The following SDK1 variants were observed in gnomAD, a reference collection of about 807,000 sequenced individuals.
SDK1 encodes sidekick cell adhesion molecule 1.
Under a neutral mutation model 245.5 loss-of-function variants are expected in SDK1, and 157 were observed. The ratio of observed to expected loss-of-function variants is 0.64; its 90% CI spans 0.56 to 0.73. The LOEUF (loss-of-function observed/expected upper bound fraction) is 0.73. Ranked by LOEUF, SDK1 falls within the 30% of genes least tolerant of loss-of-function variation. The probability of loss-of-function intolerance (pLI) is 0.00; values close to 1 mark genes in which losing one functional copy is unlikely to be tolerated. For synonymous variants in SDK1, 1,647 were observed against 1,278.5 expected (o/e 1.29, Z -6.15); for missense variants, 3,583 against 3,002.3 (o/e 1.19, Z -4.52).
intron 28 of SDK1, among the ~76,000 whole-genome samples, chr7:4,143,610 C>A (rs774406943): frequency 2.0e-5 from 3 of 152,198 alleles, no homozygotes; most frequent in Middle Eastern, 3.2e-3. Flanking sequence ...GTGTGTCCTT[C>A]CTTTGAAGGG....
At chr7:3,502,223 ATTT>A (rs561329481) in intron 1 of SDK1, among the ~76,000 whole-genome samples, 1 of 150,994 alleles carries the variant, frequency 6.6e-6, no homozygotes, top group Non-Finnish European at 1.5e-5. Context: ...TGTTTCAAAG[ATTT>A]TTTTTTAATT....
At chr7:3,944,414 G>C (rs1780496038) in intron 5 of SDK1, among the ~76,000 whole-genome samples, 1 of 152,212 alleles carries the variant, frequency 6.6e-6, no homozygotes, top group Non-Finnish European at 1.5e-5. Context: ...TTATTCGTTG[G>C]TATATGGCAT....
intron 35 of SDK1, among the ~76,000 whole-genome samples, chr7:4,187,704 T>G (rs1310823812): frequency 6.6e-6 from 1 of 152,218 alleles, no homozygotes; most frequent in East Asian, 1.9e-4. Context: ...AATTCATGAA[T>G]CAGGCAGCAC....
At chr7:3,716,765 A>G (rs984621936) in intron 4 of SDK1, among the ~76,000 whole-genome samples, 2 of 151,144 alleles carry the variant, frequency 1.3e-5, no homozygotes, top group Non-Finnish European at 2.9e-5. Context: ...TCTCACCAAA[A>G]AAAAAGAAAA....
At chr7:3,374,452 T>A (rs1781304830) in intron 1 of SDK1, among the ~76,000 whole-genome samples, 1 of 152,274 alleles carries the variant, frequency 6.6e-6, no homozygotes, top group South Asian at 2.1e-4. Context: ...TACTGTAGTG[T>A]CATAGCCAGT....
At chr7:4,253,588 G>A (rs1350793630) in intron 44 of SDK1, among the ~76,000 whole-genome samples, 1 of 152,116 alleles carries the variant, frequency 6.6e-6, no homozygotes, top group Non-Finnish European at 1.5e-5. Context: ...CTATCCACTT[G>A]AGAAGAATGT....
intron 1 of SDK1, among the ~76,000 whole-genome samples, chr7:3,452,132 T>G (rs1334173712): frequency 2.0e-5 from 3 of 152,228 alleles, no homozygotes; most frequent in Admixed American, 6.5e-5. Context: ...AAGTAAGTTA[T>G]GAGCATTTTT....
chr7:3,900,715 G>A (rs769154147), intron 5 of SDK1, among the ~76,000 whole-genome samples: 1 of 151,816 alleles, frequency 6.6e-6, no homozygotes, highest in Admixed American at 6.6e-5. Flanking sequence ...GCCGCTTCGA[G>A]TCCCCTCTCT....
At chr7:3,539,582 T>G (rs1778995272) in intron 1 of SDK1, among the ~76,000 whole-genome samples, 1 of 152,154 alleles carries the variant, frequency 6.6e-6, no homozygotes, top group Non-Finnish European at 1.5e-5. Flanking sequence ...GCCTGGCTCA[T>G]TAAGAGCAGG....
At chr7:3,558,546 T>C (rs1287283846) in intron 1 of SDK1, among the ~76,000 whole-genome samples, 1 of 152,168 alleles carries the variant, frequency 6.6e-6, no homozygotes. Context: ...GTGATTGGCC[T>C]GGTACAGGCC....
rs564424332 is a variant in SDK1 at position 3,817,079 on chromosome 7, A to C, written c.714-4371A>C. Among the ~76,000 whole-genome samples, 3 of 152,318 alleles carry C rather than the reference A, an allele frequency of 2.0e-5. No homozygotes were observed. The South Asian group carries it at 6.2e-4, about 32-fold the overall frequency. On this transcript the variant is annotated intron_variant, in intron 4 of 44. Transcript: ENST00000404826. Reference sequence around the variant, plus strand: ...CATCATAATGTATAAATTGATGTGGATATTACCACCCTAGTTTGTGGTAAG... The same window carrying C: ...CATCATAATGTATAAATTGATGTGGCTATTACCACCCTAGTTTGTGGTAAG...
At chr7:3,930,066 A>G (rs1779918599) in intron 5 of SDK1, among the ~76,000 whole-genome samples, 1 of 152,140 alleles carries the variant, frequency 6.6e-6, no homozygotes, top group Admixed American at 6.5e-5. Flanking sequence ...AGAACTTCTC[A>G]CACTGAATGA....
chr7:4,085,257 A>G (rs1781356062), intron 22 of SDK1, among the ~76,000 whole-genome samples: 1 of 152,202 alleles, frequency 6.6e-6, no homozygotes. Context: ...CAAAATTATA[A>G]TCTCAGTGGT....
At chr7:3,315,166 A>G (rs375507308) in intron 1 of SDK1, among the ~76,000 whole-genome samples, 1 of 152,204 alleles carries the variant, frequency 6.6e-6, no homozygotes, top group Admixed American at 6.5e-5. Flanking sequence ...GGATGTTTAG[A>G]AGTAGCTCTA....
intron 1 of SDK1, among the ~76,000 whole-genome samples, chr7:3,582,082 C>G (rs371943285): frequency 6.9e-6 from 1 of 145,460 alleles, no homozygotes; most frequent in Non-Finnish European, 1.5e-5. Context: ...AGGTCTCCCT[C>G]AGGTAGGCCT....
chr7:4,059,421 A>C (rs1779396635), intron 19 of SDK1, among the ~76,000 whole-genome samples: 1 of 152,246 alleles, frequency 6.6e-6, no homozygotes, highest in South Asian at 2.1e-4. Flanking sequence ...TATAGACCAA[A>C]CACTGGAGCA....
At chr7:3,986,819 C>T (rs938577433) in intron 13 of SDK1, among the ~76,000 whole-genome samples, 4 of 152,204 alleles carry the variant, frequency 2.6e-5, no homozygotes, top group African/African-American at 9.7e-5. Context: ...GAGCTTGCAT[C>T]ACAGCACTCC....
chr7:4,175,686 C>A, intron 33 of SDK1, 89 bp from the exon 34 acceptor site: 2 of 1,077,298 alleles, frequency 1.9e-6, no homozygotes, highest in Non-Finnish European at 2.9e-6. Context: ...CCCAGTAAGG[C>A]ACCTGTCTCC....
intron 44 of SDK1, among the ~76,000 whole-genome samples, chr7:4,253,969 C>T (rs951412964): frequency 5.3e-5 from 8 of 151,596 alleles, no homozygotes; most frequent in African/African-American, 1.7e-4. Context: ...CTTGTTTTTG[C>T]TTTTGCTCTA....
Sources: gnomAD v4.1 joint callset for allele counts (sites outside exome capture counted in the v4.1 genomes callset) on GRCh38, gnomAD v4.1.1 for gene constraint, MANE v1.5 for transcripts, NCBI Gene and HGNC (gene_info 2026-07-23, HGNC 2026-07-21) for gene names.